The following RBM6 variants were observed in gnomAD, a reference collection of about 807,000 sequenced individuals.
RBM6 encodes the protein RNA-binding protein 6.
Under a neutral mutation model 140.4 loss-of-function variants are expected in RBM6, and 23 were observed. The ratio of observed to expected loss-of-function variants is 0.16; its 90% CI spans 0.12 to 0.23. RBM6 has a LOEUF of 0.23. RBM6 is among the 10% of genes least tolerant of loss of function. The pLI, the probability that RBM6 is intolerant of heterozygous loss-of-function variation, is 1.00. For missense variants in RBM6, 1,139 were observed against 1,386.7 expected, an observed-to-expected ratio of 0.82 and a Z score of 2.84; for synonymous variants, 439 against 475.6, an observed-to-expected ratio of 0.92 and a Z score of 1.00.
At chr3:50,023,305 C>T (rs530802350) in intron 6 of RBM6, among the ~76,000 whole-genome samples, 1 of 151,800 alleles carries the variant, frequency 6.6e-6, no homozygotes, top group African/African-American at 2.4e-5. Context: ...CTCTCAGTTA[C>T]TTCTTATTTA....
chr3:49,983,001 C>T (rs552562463), intron 5 of RBM6, among the ~76,000 whole-genome samples: 1 of 151,912 alleles, frequency 6.6e-6, no homozygotes, highest in Non-Finnish European at 1.5e-5. Context: ...CATGAACCAC[C>T]ACGCCTGGCC....
At chr3:49,993,395 A>C (rs1559561454) in intron 5 of RBM6, among the ~76,000 whole-genome samples, 1 of 152,210 alleles carries the variant, frequency 6.6e-6, no homozygotes, top group Non-Finnish European at 1.5e-5. Context: ...TAATCCCAGC[A>C]CTTTGGGAGG....
intron 3 of RBM6, among the ~76,000 whole-genome samples, chr3:49,969,499 G>A (rs2084682019): frequency 6.8e-6 from 1 of 146,100 alleles, no homozygotes; most frequent in Non-Finnish European, 1.5e-5. Context: ...GTATATATAT[G>A]AATATATATT....
intron 5 of RBM6, among the ~76,000 whole-genome samples, chr3:49,981,391 T>A (rs1481501891): frequency 6.6e-6 from 1 of 152,182 alleles, no homozygotes; most frequent in African/African-American, 2.4e-5. Context: ...TCAGAAACTC[T>A]GGGGTGGGGC....
At chr3:50,044,719 T>TG (rs1219776533) in intron 6 of RBM6, among the ~76,000 whole-genome samples, 5 of 151,906 alleles carry the variant, frequency 3.3e-5, no homozygotes, top group Non-Finnish European at 5.9e-5. Context: ...AAGGCAGCAA[T>TG]GGGGAGGGGT....
intron 5 of RBM6, among the ~76,000 whole-genome samples, chr3:49,980,099 C>T (rs2085240020): frequency 6.6e-6 from 1 of 151,838 alleles, no homozygotes; most frequent in Non-Finnish European, 1.5e-5. Flanking sequence ...CTCCTGGATT[C>T]AAGCAATTCT....
At chr3:50,016,824 GTTTTTTT>G (rs71080567) in intron 6 of RBM6, among the ~76,000 whole-genome samples, 1 of 86,062 alleles carries the variant, frequency 1.2e-5, no homozygotes, top group Non-Finnish European at 2.3e-5. Flanking sequence ...CATGCCTAGC[GTTTTTTT>G]TTTTTTTTTT....
intron 6 of RBM6, among the ~76,000 whole-genome samples, chr3:50,010,777 C>G (rs1323609668): frequency 6.6e-6 from 1 of 151,188 alleles, no homozygotes; most frequent in African/African-American, 2.4e-5. Flanking sequence ...GTGGTGTGTT[C>G]CTGTAGTCCC....
At chr3:50,052,960 A>G (rs370107992) in intron 7 of RBM6, among the ~76,000 whole-genome samples, 2 of 150,284 alleles carry the variant, frequency 1.3e-5, no homozygotes, top group South Asian at 4.2e-4. Flanking sequence ...GTGGGAAGGC[A>G]TAACAGCCAT....
intron 5 of RBM6, among the ~76,000 whole-genome samples, chr3:49,993,942 C>G (rs1331137291): frequency 2.0e-5 from 3 of 151,806 alleles, no homozygotes; most frequent in Non-Finnish European, 4.4e-5. Flanking sequence ...AACTCCATCT[C>G]AAATAAAAAA....
At chr3:50,047,372 A>G in intron 6 of RBM6, 1 of 980,038 alleles carries the variant, frequency 1.0e-6, no homozygotes, top group Non-Finnish European at 1.2e-6. Flanking sequence ...GTCAGTAGGC[A>G]GAGAATTTTT....
At chr3:49,966,529 T>C (rs1254546654) in intron 2 of RBM6, among the ~76,000 whole-genome samples, 1 of 152,196 alleles carries the variant, frequency 6.6e-6, no homozygotes, top group African/African-American at 2.4e-5. Context: ...ATCTCTTGAG[T>C]TCTATAAATT....
intron 11 of RBM6, 128 bp from the exon 12 acceptor site, chr3:50,060,828 C>A: frequency 1.4e-6 from 1 of 711,344 alleles, no homozygotes; most frequent in Non-Finnish European, 2.1e-6. Context: ...AACCTGCTTG[C>A]TGTCTAGGTT....
chr3:49,942,800 G>T (rs970871147), intron 1 of RBM6, among the ~76,000 whole-genome samples: 1 of 152,158 alleles, frequency 6.6e-6, no homozygotes, highest in Admixed American at 6.6e-5. Flanking sequence ...GGCAGAGGTT[G>T]CAGTGAGCTG....
At chr3:49,983,164 G>T (rs577426754) in intron 5 of RBM6, among the ~76,000 whole-genome samples, 7 of 152,234 alleles carry the variant, frequency 4.6e-5, no homozygotes, top group African/African-American at 1.7e-4. Context: ...ATTTCTTAAG[G>T]GTAACAGGCT....
chr3:50,061,873 C>T (rs1477284660), intron 14 of RBM6, 89 bp from the exon 15 acceptor site: 1 of 1,494,524 alleles, frequency 6.7e-7, no homozygotes, highest in Non-Finnish European at 9.0e-7. Flanking sequence ...GTTGTTTCTT[C>T]CCCTAAAAGG....
chr3:50,051,723 T>G (rs2089476837), intron 7 of RBM6, among the ~76,000 whole-genome samples: 2 of 152,252 alleles, frequency 1.3e-5, no homozygotes, highest in African/African-American at 2.4e-5. Flanking sequence ...AATGGCGGTA[T>G]TATTCATAAT....
chr3:50,021,035 A>G (rs574066600), intron 6 of RBM6, among the ~76,000 whole-genome samples: 1 of 152,214 alleles, frequency 6.6e-6, no homozygotes, highest in South Asian at 2.1e-4. Context: ...ACTGTTACTG[A>G]CTTCTAGTTT....
chr3:49,954,942 G>A (rs1326455598), intron 1 of RBM6, among the ~76,000 whole-genome samples: 1 of 151,794 alleles, frequency 6.6e-6, no homozygotes. Flanking sequence ...TGTATTTTAA[G>A]TAGAGACAGG....
Sources: allele counts gnomAD v4.1 joint callset (sites outside exome capture counted in the v4.1 genomes callset), GRCh38; gene constraint gnomAD v4.1.1; transcripts MANE v1.5; gene names NCBI Gene and HGNC (gene_info 2026-07-23, HGNC 2026-07-21).